The following NECAB1 variants were observed in gnomAD, a reference collection of about 807,000 sequenced individuals.
NECAB1 encodes the protein N-terminal EF-hand calcium binding protein 1.
NECAB1 carries 29 observed loss-of-function variants against 57.5 expected under a neutral mutation model. The ratio of observed to expected loss-of-function variants is 0.50; its 90% CI spans 0.38 to 0.69. The LOEUF (loss-of-function observed/expected upper bound fraction) is 0.69, where lower values mean the gene tolerates loss of function less well. NECAB1 is among the 30% of genes least tolerant of loss of function. NECAB1 has a pLI of 0.00. For synonymous variants in NECAB1, 142 were observed against 147.7 expected (o/e 0.96, Z 0.28); for missense variants, 372 against 413.8 (o/e 0.90, Z 0.88).
chr8:90,850,333 AGTAACTTAAAGATG>A, intron 3 of NECAB1, among the ~76,000 whole-genome samples: 1 of 152,354 alleles, frequency 6.6e-6, no homozygotes, highest in South Asian at 2.1e-4. Context: ...TCATAATCTC[AGTAACTTAAAGATG>A]GTCCTGTGCA....
In NECAB1 at chr8:90,875,795, G is replaced by A. The variant is rs1586076573; in HGVS notation, c.259+3642G>A. ...TGGGAGGCTGAGGCGGGTGGATCAC[G>A]AGATCAGGAGATCAAGACCACGGTG... On this transcript the variant is annotated intron_variant, in intron 4 of 12. Coordinates refer to ENST00000417640, the MANE Select transcript of NECAB1 (RefSeq NM_022351.5). Among the ~76,000 whole-genome samples the A allele has an allele frequency of 3.4e-5, 5 of 148,340 alleles. No individual in the cohort carries two copies. The South Asian group carries it at 1.1e-3, about 31-fold the overall frequency.
chr8:90,818,408 C>G (rs1812091892), intron 2 of NECAB1, among the ~76,000 whole-genome samples: 1 of 151,962 alleles, frequency 6.6e-6, no homozygotes, highest in African/African-American at 2.4e-5. Context: ...CTTCTTTTAA[C>G]ATTTCTTGCA....
In NECAB1 at chr8:90,801,723, C is replaced by T; in HGVS notation, c.124+8C>T. 6.6e-7 allele frequency: 1 copy of T among 1,504,226 alleles called. No individual in the cohort carries two copies. The allele number at this position is 1,504,226 out of a possible 1,614,324, so 93.2% of individuals were successfully genotyped here. A position where few individuals can be genotyped will look rare whatever the true frequency, so the allele number is the denominator to read the frequency against. ...GGAGAGCAGACAAAAATGGTAAGACCAAAAATCTACAGTATCTATTTATTA... is the reference window on the plus strand; with the variant it reads ...GGAGAGCAGACAAAAATGGTAAGACTAAAAATCTACAGTATCTATTTATTA... On this transcript the variant is annotated splice_region_variant and intron_variant, in intron 2 of 12. Coordinates refer to ENST00000417640, the MANE Select transcript of NECAB1 (RefSeq NM_022351.5).
intron 5 of NECAB1, among the ~76,000 whole-genome samples, chr8:90,882,833 T>C (rs984096317): frequency 6.6e-6 from 1 of 152,136 alleles, no homozygotes; most frequent in Admixed American, 6.6e-5. Context: ...TGGCTTACCG[T>C]GTTTACTCTG....
chr8:90,879,303 C>T (rs1586079329), intron 4 of NECAB1, among the ~76,000 whole-genome samples: 1 of 150,796 alleles, frequency 6.6e-6, no homozygotes, highest in African/African-American at 2.4e-5. Flanking sequence ...ATCCTCCCAC[C>T]TCAGCCTCCC....
At chr8:90,912,835 T>C (rs945130945) in intron 5 of NECAB1, among the ~76,000 whole-genome samples, 3 of 152,146 alleles carry the variant, frequency 2.0e-5, no homozygotes, top group African/African-American at 4.8e-5. Flanking sequence ...GTAATAATTG[T>C]GGATAGAGTA....
intron 4 of NECAB1, among the ~76,000 whole-genome samples, chr8:90,874,947 A>ATTT (rs10631858): frequency 0.41 from 60,962 of 149,102 alleles, 13,923 homozygotes; most frequent in East Asian, 0.68. Flanking sequence ...TCCTAAATGC[A>ATTT]TTTTTTTTTT....
chr8:90,864,350 AGGGGGAGGGAGTGG>A (rs1808468049), intron 3 of NECAB1, among the ~76,000 whole-genome samples: 5 of 18,738 alleles, frequency 2.7e-4, no homozygotes, highest in African/African-American at 1.1e-3. Context: ...AGAGGGAGGG[AGGGGGAGGGAGTGG>A]GGGGAAGGAT....
chr8:90,892,395 T>G, intron 5 of NECAB1, among the ~76,000 whole-genome samples: 1 of 152,318 alleles, frequency 6.6e-6, no homozygotes, highest in Non-Finnish European at 1.5e-5. Flanking sequence ...TCCATTTTCA[T>G]AAAAAACATT....
chr8:90,814,686 A>T (rs991264539), intron 2 of NECAB1, among the ~76,000 whole-genome samples: 1 of 152,150 alleles, frequency 6.6e-6, no homozygotes, highest in East Asian at 1.9e-4. Flanking sequence ...TGTTCCTTTG[A>T]CATACCCTCA....
intron 12 of NECAB1, among the ~76,000 whole-genome samples, chr8:90,951,975 T>C (rs1810931388): frequency 6.6e-6 from 1 of 152,178 alleles, no homozygotes; most frequent in African/African-American, 2.4e-5. Context: ...AGTGTGAATG[T>C]GCTTTATAGG....
intron 3 of NECAB1, among the ~76,000 whole-genome samples, chr8:90,832,789 T>C (rs1487324071): frequency 6.6e-6 from 1 of 152,154 alleles, no homozygotes; most frequent in Admixed American, 6.5e-5. Context: ...AATATTATGA[T>C]TAAGGGTCTG....
intron 9 of NECAB1, among the ~76,000 whole-genome samples, chr8:90,935,452 C>T (rs1810513459): frequency 6.6e-6 from 1 of 152,082 alleles, no homozygotes; most frequent in African/African-American, 2.4e-5. Context: ...GTTAATTCCT[C>T]AAGACCCCAA....
chr8:90,922,454 T>C (rs1262130670), intron 6 of NECAB1, among the ~76,000 whole-genome samples: 1 of 143,608 alleles, frequency 7.0e-6, no homozygotes, highest in African/African-American at 2.6e-5. Context: ...AATCACCTAC[T>C]CCCCTGACCA....
At chr8:90,804,985 C>A (rs1326495473) in intron 2 of NECAB1, among the ~76,000 whole-genome samples, 1 of 152,222 alleles carries the variant, frequency 6.6e-6, no homozygotes, top group Non-Finnish European at 1.5e-5. Flanking sequence ...TGATTAATAT[C>A]ATCTCTATTG....
At chr8:90,850,708 G>A (rs1336567851) in intron 3 of NECAB1, among the ~76,000 whole-genome samples, 1 of 152,144 alleles carries the variant, frequency 6.6e-6, no homozygotes, top group Non-Finnish European at 1.5e-5. Flanking sequence ...TGGGGTTCAA[G>A]CCTCTTTGTT....
intron 3 of NECAB1, chr8:90,825,026 T>C (rs1210377036): frequency 1.2e-5 from 4 of 340,960 alleles, no homozygotes; most frequent in East Asian, 4.4e-5. Context: ...TGATCTTTTG[T>C]AGAAAGCTCC....
intron 2 of NECAB1, among the ~76,000 whole-genome samples, chr8:90,819,204 A>G (rs1283000274): frequency 1.3e-5 from 2 of 151,476 alleles, no homozygotes; most frequent in African/African-American, 2.4e-5. Flanking sequence ...CTCTCCTTCC[A>G]TATTGTTTAC....
chr8:90,931,977 T>C (rs1810420719), intron 8 of NECAB1, among the ~76,000 whole-genome samples: 2 of 151,938 alleles, frequency 1.3e-5, no homozygotes, highest in Admixed American at 6.6e-5. Context: ...TTAAACAAAA[T>C]AACAACAAGG....
Sources: allele counts gnomAD v4.1 joint callset (sites outside exome capture counted in the v4.1 genomes callset), GRCh38; gene constraint gnomAD v4.1.1; transcripts MANE v1.5; gene names NCBI Gene and HGNC (gene_info 2026-07-23, HGNC 2026-07-21).